ZFP90: variants seen among roughly 807,000 people sequenced by gnomAD.
ZFP90 encodes zinc finger protein 90 homolog.
Under a neutral mutation model 60.8 loss-of-function variants are expected in ZFP90, and 38 were observed. The ratio of observed to expected loss-of-function variants is 0.62; its 90% CI spans 0.48 to 0.82. The LOEUF (loss-of-function observed/expected upper bound fraction) is 0.82, where lower values mean the gene tolerates loss of function less well. ZFP90 is among the 40% of genes least tolerant of loss of function. The probability of loss-of-function intolerance (pLI) is 0.00; values close to 1 mark genes in which losing one functional copy is unlikely to be tolerated. For missense variants in ZFP90, 711 were observed against 759.1 expected (o/e 0.94, Z 0.74); for synonymous variants, 287 against 264.8 (o/e 1.08, Z -0.82).
chr16:68,548,909 C>T (rs974081814), intron 2 of ZFP90, among the ~76,000 whole-genome samples: 7 of 152,106 alleles, frequency 4.6e-5, no homozygotes, highest in African/African-American at 9.7e-5. Context: ...TTAATGCCAT[C>T]GTTTTTCTGT....
At position 68,564,324 on chromosome 16, in the gene ZFP90, A is replaced by T; in HGVS notation, c.1537A>T (p.Ile513Leu). 1.2e-6 allele frequency: 2 copies of T among 1,614,136 alleles called. No individual in the cohort carries two copies. The highest frequency in any genetic ancestry group is 1.3e-5 in the African/African-American group (1 of 75,044). ...AGCTTTCAAAAGGAGTACAAGTTTC[A>T]TAGAGCATCACAGAATTCATACTGG... is the stretch of plus-strand genomic sequence containing the variant. ...GKAFKRSTSF[I>L]EHHRIHTGEK... The change falls in exon 5 of 5, where the codon ATA becomes TTA. Residue 513 changes from isoleucine (I) to leucine (L), a missense_variant. Ile to Leu is a conservative substitution (Grantham distance 5). This residue lies in a region of ZFP90 where 295 missense variants were observed against 274.0 expected (regional missense o/e 1.08). Coordinates refer to ENST00000563169, the MANE Select transcript of ZFP90 (RefSeq NM_001305203.2).
upstream of ZFP90, among the ~76,000 whole-genome samples, chr16:68,535,059 T>C (rs1026818757): frequency 8.5e-5 from 13 of 152,200 alleles, no homozygotes; most frequent in African/African-American, 2.7e-4. Flanking sequence ...TGCTTTGTGT[T>C]TGTGATTCAT....
chr16:68,564,191 T>G lies in ZFP90; in HGVS notation c.1404T>G (p.His468Gln). Residue 468 changes from histidine (H) to glutamine (Q), a missense_variant, in exon 5 of 5, where the codon CAT becomes CAG. His to Gln is a conservative substitution (Grantham distance 24). Transcript: ENST00000563169. The stretch of plus-strand genomic sequence containing the variant: ...GTCACATTACAGACTTTACTGACCA[T>G]CAGAGGATCCATACTGCAGAGAACC... ...DFSHITDFTD[H>Q]QRIHTAENPY... The G allele has an allele frequency of 1.2e-6, 2 of 1,614,018 alleles. No individual in the cohort carries two copies. The highest frequency in any genetic ancestry group is 2.7e-5 in the African/African-American group (2 of 75,004).
At chr16:68,552,730 AT>A (rs1028339324) in intron 2 of ZFP90, among the ~76,000 whole-genome samples, 4 of 152,208 alleles carry the variant, frequency 2.6e-5, no homozygotes, top group Non-Finnish European at 5.9e-5. Context: ...ACACTGAGGA[AT>A]CTAAGTTTTA....
At position 68,566,114 on chromosome 16, in the gene ZFP90, CAG is replaced by C; in HGVS notation, c.*1419_*1420del. The C allele has an allele frequency of 2.2e-6, 2 of 919,422 alleles. No homozygotes were observed. The highest frequency in any genetic ancestry group is 5.7e-4 in the Middle Eastern group (1 of 1,766). 57.0% of individuals were successfully genotyped at this position (919,422 alleles called of 1,614,324 possible). A position where few individuals can be genotyped will look rare whatever the true frequency, so the allele number is the denominator to read the frequency against. The stretch of plus-strand genomic sequence containing the variant: ...CACTACTGCATTCCAGCCTGAGCAA[CAG>C]AGCAAGACACACACACATCAATTTA... On this transcript the variant is annotated 3_prime_UTR_variant, in exon 5 of 5. Transcript: ENST00000563169.
chr16:68,551,415 CTTTTTT>C (rs10538200), intron 2 of ZFP90, among the ~76,000 whole-genome samples: 10 of 123,022 alleles, frequency 8.1e-5, no homozygotes, highest in Admixed American at 8.8e-5. Context: ...ACATGTGATC[CTTTTTT>C]TTTTTTTTTT....
rs1352665933 is a variant in ZFP90, at chr16:68,564,589, G to A, written c.1802G>A (p.Arg601Lys). Residue 601 changes from arginine to lysine, a missense_variant, in exon 5 of 5, where the codon AGA becomes AAA. Physicochemically the swap from Arg to Lys is conservative, Grantham distance 26 (BLOSUM62 2). This residue lies in a region of ZFP90 where 295 missense variants were observed against 274.0 expected (regional missense o/e 1.08). Transcript: ENST00000563169. The stretch of plus-strand genomic sequence containing the variant: ...AAAACCAACCTGCATGATCATCAGA[G>A]AATTCATACTGGAGAAAAACCCTAT... ...RKKTNLHDHQ[R>K]IHTGEKPYSC... is the part of the protein sequence containing the mutation. 4.3e-6 allele frequency: 7 copies of A among 1,614,094 alleles called. No homozygotes were observed. The highest frequency in any genetic ancestry group is 5.9e-6 in the Non-Finnish European group (7 of 1,179,988).
chr16:68,540,202 A>AG (rs1950065450), intron 2 of ZFP90, among the ~76,000 whole-genome samples: 1 of 152,028 alleles, frequency 6.6e-6, no homozygotes, highest in African/African-American at 2.4e-5. Context: ...AAGTGTGGAG[A>AG]GAGGAGCCCC....
At chr16:68,545,944 A>G (rs1409489017) in intron 2 of ZFP90, among the ~76,000 whole-genome samples, 1 of 152,170 alleles carries the variant, frequency 6.6e-6, no homozygotes, top group African/African-American at 2.4e-5. Flanking sequence ...GGAGGCCGAG[A>G]CAGGCGAATT....
chr16:68,534,965 G>C (rs76180569), upstream of ZFP90, among the ~76,000 whole-genome samples: 1,631 of 152,248 alleles, frequency 0.011, 13 homozygotes, highest in Middle Eastern at 0.075. Flanking sequence ...CATAAATTTT[G>C]TGTCTGACAA....
rs1275874190 is a variant in ZFP90 at position 68,539,930 on chromosome 16, C to T, written c.33+105C>T. The stretch of plus-strand genomic sequence containing the variant: ...TGTTCTCTGCCTGGCGACTCCCTTA[C>T]TTGCTTGGCTCGATCGGAGCCTCCT... On this transcript the variant is annotated intron_variant, in intron 2 of 4. Transcript: ENST00000563169. 6 of 1,460,116 alleles carry T rather than the reference C, an allele frequency of 4.1e-6. No homozygotes were observed. The Admixed American group carries it at 6.2e-5, about 15-fold the overall frequency. 90.4% of individuals were successfully genotyped at this position (1,460,116 alleles called of 1,614,324 possible). A position where few individuals can be genotyped will look rare whatever the true frequency, so the allele number is the denominator to read the frequency against.
At chr16:68,557,247 C>G in intron 2 of ZFP90, 1 of 456,008 alleles carries the variant, frequency 2.2e-6, no homozygotes, top group Non-Finnish European at 4.4e-6. Context: ...TGAACCGGCT[C>G]AAGCGTTCTG....
At position 68,564,058 on chromosome 16, in the gene ZFP90, G is replaced by T; in HGVS notation, c.1271G>T (p.Ser424Ile). 6.2e-7 allele frequency: 1 copy of T among 1,614,084 alleles called. No homozygotes were observed. The highest frequency in any genetic ancestry group is 8.5e-7 in the Non-Finnish European group (1 of 1,180,012). Residue 424 changes from serine (S) to isoleucine (I), a missense_variant, in exon 5 of 5, where the codon AGC (serine) becomes ATC (isoleucine). Ser to Ile is a moderately radical substitution (Grantham distance 142, BLOSUM62 -2). Around this residue, in one of 5 missense-constraint regions of ZFP90, gnomAD observed 295 missense variants for 274.0 expected, o/e 1.08. Coordinates refer to ENST00000563169, the MANE Select transcript of ZFP90 (RefSeq NM_001305203.2). ...RIHKRGKPYQ[S>I]SNYSIDFKHS... ...CATAAGAGAGGCAAACCTTACCAAA[G>T]CAGTAACTACAGCATAGATTTCAAG...
In ZFP90 at chr16:68,564,594, C is replaced by T; in HGVS notation, c.1807C>T (p.His603Tyr). Reference sequence around the variant, plus strand: ...CAACCTGCATGATCATCAGAGAATTCATACTGGAGAAAAACCCTATTCTTG... The same window carrying T: ...CAACCTGCATGATCATCAGAGAATTTATACTGGAGAAAAACCCTATTCTTG... ...KTNLHDHQRI[H>Y]TGEKPYSCKE... Residue 603 changes from histidine (H) to tyrosine (Y), a missense_variant, in exon 5 of 5, where the codon CAT (histidine) becomes TAT (tyrosine). Physicochemically the swap from His to Tyr is moderately conservative, Grantham distance 83 (BLOSUM62 2). Around this residue, in one of 5 missense-constraint regions of ZFP90, gnomAD observed 295 missense variants for 274.0 expected, o/e 1.08. Transcript: ENST00000563169. 6.2e-7 allele frequency: 1 copy of T among 1,614,068 alleles called. No individual in the cohort carries two copies. Among genetic ancestry groups the T allele is most frequent in the Non-Finnish European group, 8.5e-7 (1 of 1,179,994 alleles).
Position 68,563,771 on chromosome 16 carries a change from C to T in ZFP90, c.984C>T (p.His328=), listed in dbSNP as rs758935636. The T allele has an allele frequency of 6.8e-6, 11 of 1,614,000 alleles. No individual in the cohort carries two copies. In the Admixed American group the frequency reaches 1.2e-4, roughly 17 times the overall value. The change falls in exon 5 of 5, where the codon CAC becomes CAT. Residue 328 remains histidine (H), a synonymous_variant. Transcript: ENST00000563169. ...AGCGCAGCTCCTCCCTTGTTCAACACCAGCGAATTCACACTGGAGAGAAAC... is the reference window on the plus strand; with the variant it reads ...AGCGCAGCTCCTCCCTTGTTCAACATCAGCGAATTCACACTGGAGAGAAAC... ...AFQRSSSLVQ[H]QRIHTGEKPY...
chr16:68,557,017 T>C (rs2091355186), intron 2 of ZFP90, among the ~76,000 whole-genome samples: 1 of 152,156 alleles, frequency 6.6e-6, no homozygotes, highest in Admixed American at 6.6e-5. Context: ...TGAGACAGTC[T>C]CACTCCGTCA....
In ZFP90 at chr16:68,566,761, A is replaced by T. The variant is rs1366645442; in HGVS notation, c.*2063A>T. On this transcript the variant is annotated 3_prime_UTR_variant, in exon 5 of 5. Coordinates refer to ENST00000563169, the MANE Select transcript of ZFP90 (RefSeq NM_001305203.2). ...TGATTGGCTAGGATGCCTGTCAGGA[A>T]CTCATTATGCTACTGGTTGTTTGGG... is the stretch of plus-strand genomic sequence containing the variant. 1.0e-6 allele frequency: 1 copy of T among 985,562 alleles called. No individual in the cohort carries two copies. Among genetic ancestry groups the T allele is most frequent in the East Asian group, 1.1e-4 (1 of 8,954 alleles). The allele number at this position is 985,562 out of a possible 1,614,324, so 61.1% of individuals were successfully genotyped here.
At chr16:68,570,166 C>T (rs2091560518), downstream of ZFP90, among the ~76,000 whole-genome samples, 1 of 152,132 alleles carries the variant, frequency 6.6e-6, no homozygotes, top group Admixed American at 6.5e-5. Flanking sequence ...TCTAATTCCT[C>T]TTCTTCCATT....
chr16:68,574,491 A>G (rs542898500), intron 2 of ZFP90, among the ~76,000 whole-genome samples: 2 of 6,518 alleles, frequency 3.1e-4, no homozygotes, highest in African/African-American at 9.6e-4. Flanking sequence ...AAACATGTTG[A>G]AAAAAAAAAA....
Sources: gnomAD v4.1 joint callset for allele counts (sites outside exome capture counted in the v4.1 genomes callset) on GRCh38, gnomAD v4.1.1 for gene constraint, gnomAD v4.1.1 regional missense constraint, MANE v1.5 for transcripts, NCBI Gene and HGNC (gene_info 2026-07-23, HGNC 2026-07-21) for gene names.